GTF2IRD1: variants seen among roughly 807,000 people sequenced by gnomAD.
The protein encoded by GTF2IRD1 is GTF2I repeat domain containing 1.
Under a neutral mutation model 113.2 loss-of-function variants are expected in GTF2IRD1, and 26 were observed. The observed-to-expected ratio is 0.23, with a 90% CI of 0.17 to 0.32. The LOEUF (loss-of-function observed/expected upper bound fraction) is 0.32, where lower values mean the gene tolerates loss of function less well. Ranked by LOEUF, GTF2IRD1 falls within the 10% of genes least tolerant of loss-of-function variation. The pLI is 1.00. For synonymous variants in GTF2IRD1, 484 were observed against 529.1 expected (o/e 0.91, Z 1.17); for missense variants, 864 against 1,280.8 (o/e 0.67, Z 4.97).
At chr7:74,574,150 A>ATTTTTTTTTTTTTTTT (rs71094796) in intron 22 of GTF2IRD1, among the ~76,000 whole-genome samples, 4 of 104,820 alleles carry the variant, frequency 3.8e-5, no homozygotes, top group Non-Finnish European at 5.6e-5. Context: ...CACCAAGCTA[A>ATTTTTTTTTTTTTTTT]TTTTTTTTTT....
At chr7:74,573,740 G>C (rs1210717165) in intron 22 of GTF2IRD1, among the ~76,000 whole-genome samples, 1 of 152,134 alleles carries the variant, frequency 6.6e-6, no homozygotes, top group Non-Finnish European at 1.5e-5. Flanking sequence ...GTGGGGAGGG[G>C]TGTGGGGACA....
At chr7:74,458,083 C>G (rs1793111644) in intron 1 of GTF2IRD1, among the ~76,000 whole-genome samples, 1 of 151,930 alleles carries the variant, frequency 6.6e-6, no homozygotes, top group Non-Finnish European at 1.5e-5. Flanking sequence ...GTTGGCCAGT[C>G]TGGTCTAGAA....
At chr7:74,473,991 A>G (rs1794255744) in intron 1 of GTF2IRD1, among the ~76,000 whole-genome samples, 1 of 151,768 alleles carries the variant, frequency 6.6e-6, no homozygotes, top group Non-Finnish European at 1.5e-5. Flanking sequence ...TGGGAGGCCG[A>G]GGCGGGTGGA....
intron 22 of GTF2IRD1, among the ~76,000 whole-genome samples, chr7:74,578,310 C>T (rs750736613): frequency 3.3e-5 from 5 of 151,986 alleles, no homozygotes; most frequent in East Asian, 1.9e-4. Context: ...CTCAGCCTTC[C>T]GAGTAGCTGG....
rs1169293340 is a variant in GTF2IRD1, at chr7:74,554,690, C to T, written c.1917-484C>T. On this transcript the variant is annotated intron_variant, in intron 17 of 26. Coordinates refer to ENST00000424337, the MANE Select transcript of GTF2IRD1 (RefSeq NM_005685.4). ...AGTAGCTGGGATTATAGGCACCTGC[C>T]ACCACACCTGGCTAATTTTTGTATT... 5.3e-4 allele frequency among the ~76,000 whole-genome samples: 80 copies of T among 152,250 alleles called. 1 individual carries two copies. Among genetic ancestry groups the T allele is most frequent in the African/African-American group, 1.9e-3 (80 of 41,554 alleles).
intron 3 of GTF2IRD1, among the ~76,000 whole-genome samples, chr7:74,514,876 G>A (rs1554344144): frequency 2.0e-5 from 3 of 151,794 alleles, no homozygotes; most frequent in Non-Finnish European, 4.4e-5. Context: ...GGCCAACATG[G>A]TGAGACCCCA....
intron 1 of GTF2IRD1, among the ~76,000 whole-genome samples, chr7:74,455,582 G>C (rs1792913642): frequency 6.6e-6 from 1 of 152,200 alleles, no homozygotes; most frequent in Non-Finnish European, 1.5e-5. Flanking sequence ...TGCTGGCAGG[G>C]AGGGGCTAGG....
intron 1 of GTF2IRD1, among the ~76,000 whole-genome samples, chr7:74,503,212 G>A (rs568347536): frequency 3.3e-5 from 5 of 152,016 alleles, no homozygotes; most frequent in South Asian, 2.1e-4. Context: ...CCCAGGGAGC[G>A]GTCACCTCTG....
chr7:74,519,677 G>C lies in GTF2IRD1; in HGVS notation c.874G>C (p.Glu292Gln). The C allele has an allele frequency of 6.3e-7, 1 of 1,599,234 alleles. No homozygotes were observed. The highest frequency in any genetic ancestry group is 8.5e-7 in the Non-Finnish European group (1 of 1,173,498). Residue 292 changes from glutamate to glutamine, a missense_variant, in exon 6 of 27, where the codon GAG (glutamate) becomes CAG (glutamine). Around this residue, in one of 7 missense-constraint regions of GTF2IRD1, gnomAD observed 195 missense variants for 196.6 expected, o/e 0.99. Coordinates refer to ENST00000424337, the MANE Select transcript of GTF2IRD1 (RefSeq NM_005685.4). Reference sequence around the variant, plus strand: ...CCTGGGCCTGAGTCGGCCCATGCCAGAGCCCAAGGCCACCGGTGCCCAAGA... The same window carrying C: ...CCTGGGCCTGAGTCGGCCCATGCCACAGCCCAAGGCCACCGGTGCCCAAGA... ...SDLGLSRPMP[E>Q]PKATGAQDFS...
chr7:74,600,858 C>T (rs782392854), intron 25 of GTF2IRD1, 186 bp from the exon 26 acceptor site: 1 of 632,404 alleles, frequency 1.6e-6, no homozygotes, highest in Non-Finnish European at 2.7e-6. Flanking sequence ...CTCGGGCTTG[C>T]TTTGGGAAGG....
rs574078488 is a variant in GTF2IRD1, at chr7:74,473,731, A to G, written c.-7+19555A>G. ...GTGGTGAGCCTGCCCACTTCCAGGA[A>G]CTGTCCATAACCCACCCACCATCCT... On this transcript the variant is annotated intron_variant, in intron 1 of 26. Coordinates refer to ENST00000424337, the MANE Select transcript of GTF2IRD1 (RefSeq NM_005685.4). 1.3e-4 allele frequency among the ~76,000 whole-genome samples: 19 copies of G among 151,898 alleles called. 1 individual carries two copies. The South Asian group carries it at 1.7e-3, about 13-fold the overall frequency.
At chr7:74,484,763 T>G (rs997743002) in intron 1 of GTF2IRD1, among the ~76,000 whole-genome samples, 25 of 152,146 alleles carry the variant, frequency 1.6e-4, no homozygotes, top group African/African-American at 6.0e-4. Flanking sequence ...CAGCCTGTCT[T>G]TCCTTTTTAA....
intron 22 of GTF2IRD1, among the ~76,000 whole-genome samples, chr7:74,566,209 C>T (rs1554360657): frequency 6.6e-6 from 1 of 152,088 alleles, no homozygotes; most frequent in African/African-American, 2.4e-5. Context: ...CACATTTAAC[C>T]TTAAAACATA....
At position 74,500,051 on chromosome 7, in the gene GTF2IRD1, T is replaced by C. The variant is rs542605454; in HGVS notation, c.-6-8024T>C. On this transcript the variant is annotated intron_variant, in intron 1 of 26. Coordinates refer to ENST00000424337, the MANE Select transcript of GTF2IRD1 (RefSeq NM_005685.4). ...TGGAGAGTGAAAAAAGCCTGAGAGA[T>C]CCCCAGATGAGGGAGCCCCCATGTG... Among the ~76,000 whole-genome samples, 230 of 152,234 alleles carry C rather than the reference T, an allele frequency of 1.5e-3. 1 individual carries two copies. The highest frequency in any genetic ancestry group is 5.8e-3 in the South Asian group (28 of 4,824).
At chr7:74,493,027 A>T (rs1795456830) in intron 1 of GTF2IRD1, among the ~76,000 whole-genome samples, 1 of 151,938 alleles carries the variant, frequency 6.6e-6, no homozygotes, top group African/African-American at 2.4e-5. Context: ...CCTGACTTGA[A>T]GTGATCCTGC....
At position 74,576,002 on chromosome 7, in the gene GTF2IRD1, TA is replaced by T. The variant is rs880000685; in HGVS notation, c.2321-13836del. The stretch of plus-strand genomic sequence containing the variant: ...GGGCAACATAGCAAGACCCCATCTC[TA>T]AAAAAAAAAAAATAGCTGCACGTAG... On this transcript the variant is annotated intron_variant, in intron 22 of 26. Coordinates refer to ENST00000424337, the MANE Select transcript of GTF2IRD1 (RefSeq NM_005685.4). Among the ~76,000 whole-genome samples the T allele has an allele frequency of 4.3e-3, 604 of 140,620 alleles. 1 individual carries two copies. The highest frequency in any genetic ancestry group is 5.7e-3 in the African/African-American group (219 of 38,446). The allele number at this position is 140,620 out of a possible 152,430, so 92.3% of individuals were successfully genotyped here.
intron 1 of GTF2IRD1, among the ~76,000 whole-genome samples, chr7:74,457,877 G>GTTT (rs1219714627): frequency 1.5e-4 from 18 of 122,772 alleles, no homozygotes; most frequent in Admixed American, 3.4e-4. Flanking sequence ...TTACGTTTTT[G>GTTT]TTTTTTTTTT....
chr7:74,496,780 G>A (rs150720228), intron 1 of GTF2IRD1, among the ~76,000 whole-genome samples: 5 of 152,158 alleles, frequency 3.3e-5, no homozygotes, highest in African/African-American at 9.6e-5. Context: ...GTCACTGAGT[G>A]TCCTCTCTAG....
intron 1 of GTF2IRD1, among the ~76,000 whole-genome samples, chr7:74,496,859 C>A (rs938092824): frequency 2.0e-5 from 3 of 152,044 alleles, no homozygotes; most frequent in African/African-American, 2.4e-5. Flanking sequence ...CCCCTCCCCC[C>A]ATTTTGAAAA....
Sources: allele counts gnomAD v4.1 joint callset (sites outside exome capture counted in the v4.1 genomes callset), GRCh38; gene constraint gnomAD v4.1.1; regional missense constraint gnomAD v4.1.1; transcripts MANE v1.5; gene names NCBI Gene and HGNC (gene_info 2026-07-23, HGNC 2026-07-21).